The following ABCC6 variants were observed in gnomAD, a reference collection of about 807,000 sequenced individuals.
ABCC6 encodes ATP-binding cassette sub-family C member 6.
Under a neutral mutation model 169.5 loss-of-function variants are expected in ABCC6, and 126 were observed. The observed-to-expected ratio is 0.74, with a 90% confidence interval of 0.64 to 0.86. The LOEUF is 0.86. Among genes scored for constraint, ABCC6 ranks in the 40% least tolerant of loss-of-function variants. The pLI, the probability that ABCC6 is intolerant of heterozygous loss-of-function variation, is 0.00. For missense variants in ABCC6, 1,733 were observed against 1,927.2 expected, an observed-to-expected ratio of 0.90 and a Z score of 1.89; for synonymous variants, 752 against 814.7, an observed-to-expected ratio of 0.92 and a Z score of 1.31.
At chr16:16,162,925 G>A in intron 24 of ABCC6, 68 bp downstream of exon 24, 1 of 1,596,242 alleles carries the variant, frequency 6.3e-7, no homozygotes, top group Non-Finnish European at 8.6e-7. Context: ...CATACAATAT[G>A]ACCTCAGGTC....
intron 23 of ABCC6, among the ~76,000 whole-genome samples, chr16:16,164,943 A>C (rs2046830346): frequency 6.6e-6 from 1 of 152,232 alleles, no homozygotes; most frequent in Non-Finnish European, 1.5e-5. Context: ...ATTAAATTCT[A>C]TTCTTTTGGT....
Position 16,203,420 on chromosome 16 carries a change from T to G in ABCC6, c.988A>C (p.Lys330Gln). The G allele has an allele frequency of 6.2e-7, 1 of 1,613,804 alleles. No individual in the cohort carries two copies. Among genetic ancestry groups the G allele is most frequent in the Non-Finnish European group, 8.5e-7 (1 of 1,179,832 alleles). ...AGGTCTGGGACTCACCTGAGCAGCT[T>G]GGGGACAGTGAACCTGAAGACATCA... ...ISDVFRFTVP[K>Q]LLSLFLEFIG... Residue 330 changes from lysine to glutamine, a missense_variant, in exon 8 of 31, where the codon AAG becomes CAG. By Grantham distance (53) the Lys-to-Gln change is moderately conservative. This residue lies in a region of ABCC6 where 1,601 missense variants were observed against 1,635.5 expected (regional missense o/e 0.98). Coordinates refer to ENST00000205557, the MANE Select transcript of ABCC6 (RefSeq NM_001171.6).
At chr16:16,151,057 T>C (rs2046373122) in intron 29 of ABCC6, among the ~76,000 whole-genome samples, 1 of 152,146 alleles carries the variant, frequency 6.6e-6, no homozygotes, top group African/African-American at 2.4e-5. Context: ...GCTCTTTTTT[T>C]CTTCTTCGTT....
intron 23 of ABCC6, 39 bp downstream of exon 23, chr16:16,165,584 C>T: frequency 1.2e-6 from 2 of 1,606,652 alleles, no homozygotes; most frequent in Non-Finnish European, 1.7e-6. Flanking sequence ...GCTGAGTTGA[C>T]CTCAGCCGGT....
At chr16:16,222,847 C>G (rs1304815118) in intron 1 of ABCC6, among the ~76,000 whole-genome samples, 1 of 152,170 alleles carries the variant, frequency 6.6e-6, no homozygotes, top group Non-Finnish European at 1.5e-5. Flanking sequence ...TCTCAGTTTC[C>G]TTCCCTGTAA....
intron 6 of ABCC6, among the ~76,000 whole-genome samples, chr16:16,210,218 C>T (rs2048556900): frequency 6.6e-6 from 1 of 151,274 alleles, no homozygotes; most frequent in Non-Finnish European, 1.5e-5. Context: ...CTCACCGCAA[C>T]CTCCACCTCC....
intron 14 of ABCC6, 143 bp downstream of exon 14, chr16:16,186,981 C>T (rs1189584904): frequency 4.1e-6 from 3 of 727,682 alleles, no homozygotes; most frequent in East Asian, 2.7e-5. Context: ...AAGTGACACG[C>T]AGATGGCGTG....
intron 6 of ABCC6, among the ~76,000 whole-genome samples, chr16:16,211,051 T>C (rs1006828268): frequency 6.6e-6 from 1 of 150,674 alleles, no homozygotes; most frequent in African/African-American, 2.4e-5. Context: ...GCTGAGATTG[T>C]GCCATTGCAC....
At chr16:16,206,378 A>G (rs1401202306) in intron 7 of ABCC6, among the ~76,000 whole-genome samples, 1 of 152,074 alleles carries the variant, frequency 6.6e-6, no homozygotes, top group African/African-American at 2.4e-5. Flanking sequence ...TAATCCCAGC[A>G]CTTTGGGAGG....
Position 16,202,185 on chromosome 16 carries a change from G to T in ABCC6, c.999-7C>A, listed in dbSNP as rs1179375632. On this transcript the variant is annotated splice_region_variant and splice_polypyrimidine_tract_variant and intron_variant, in intron 8 of 30. Coordinates refer to ENST00000205557, the MANE Select transcript of ABCC6 (RefSeq NM_001171.6). ...AATAAACTCCAGGAAAAGGCTTGCAGGGGAAGGAGGGAGAAGGTACAGCTG... is the reference window on the plus strand; with the variant it reads ...AATAAACTCCAGGAAAAGGCTTGCATGGGAAGGAGGGAGAAGGTACAGCTG... The T allele has an allele frequency of 6.2e-7, 1 of 1,608,510 alleles. No individual in the cohort carries two copies. Among genetic ancestry groups the T allele is most frequent in the East Asian group, 2.2e-5 (1 of 44,654 alleles).
In ABCC6 at chr16:16,208,725, T is replaced by C; in HGVS notation, c.794+3A>G. ...GGTGAGTTCTTGACCTCCACCCACTTACCTCCGGGCTGCACTGCGGTTCCT... is the reference window on the plus strand; with the variant it reads ...GGTGAGTTCTTGACCTCCACCCACTCACCTCCGGGCTGCACTGCGGTTCCT... On this transcript the variant is annotated splice_donor_region_variant and intron_variant, in intron 7 of 30. Coordinates refer to ENST00000205557, the MANE Select transcript of ABCC6 (RefSeq NM_001171.6). 6.2e-7 allele frequency: 1 copy of C among 1,613,494 alleles called. No individual in the cohort carries two copies. Among genetic ancestry groups the C allele is most frequent in the Non-Finnish European group, 8.5e-7 (1 of 1,179,526 alleles).
chr16:16,184,197 TCAAA>T, intron 15 of ABCC6: 1 of 121,526 alleles, frequency 8.2e-6, no homozygotes, highest in South Asian at 1.1e-4. Flanking sequence ...AGACTCCGTT[TCAAA>T]AAAAAAAAAA....
chr16:16,155,329 ATC>A (rs2046517089), intron 27 of ABCC6: 1 of 502,110 alleles, frequency 2.0e-6, no homozygotes, highest in South Asian at 2.7e-5. Context: ...CCTCTCCATC[ATC>A]TCTCATCCTT....
chr16:16,152,192 C>CAAA (rs61339757), intron 29 of ABCC6, among the ~76,000 whole-genome samples: 5,796 of 40,038 alleles, frequency 0.14, 1,011 homozygotes, highest in Middle Eastern at 0.23. Flanking sequence ...GACTCTGTCT[C>CAAA]AAAAAAAAAA....
chr16:16,185,122 C>A (rs568723062), intron 14 of ABCC6, 88 bp from the exon 15 acceptor site: 3 of 1,231,150 alleles, frequency 2.4e-6, no homozygotes, highest in East Asian at 4.7e-5. Context: ...TCCCCCGCCC[C>A]CCCCAGGGGC....
At position 16,177,639 on chromosome 16, in the gene ABCC6, G is replaced by T. The variant is rs762909140; in HGVS notation, c.2416-13C>A. On this transcript the variant is annotated splice_polypyrimidine_tract_variant and intron_variant, in intron 18 of 30. Coordinates refer to ENST00000205557, the MANE Select transcript of ABCC6 (RefSeq NM_001171.6). Reference sequence around the variant, plus strand: ...CGAGAATCCGTGTCTGGGCAGGGAAGGGGTAGAAGTTACACACATGTGGCC... The same window carrying T: ...CGAGAATCCGTGTCTGGGCAGGGAATGGGTAGAAGTTACACACATGTGGCC... The T allele has an allele frequency of 6.8e-6, 11 of 1,613,966 alleles. No individual in the cohort carries two copies. The highest frequency in any genetic ancestry group is 9.3e-6 in the Non-Finnish European group (11 of 1,179,994).
At chr16:16,213,685 C>T (rs2048735073) in intron 5 of ABCC6, among the ~76,000 whole-genome samples, 2 of 149,988 alleles carry the variant, frequency 1.3e-5, no homozygotes, top group Non-Finnish European at 3.0e-5. Flanking sequence ...CTCAGCCTCC[C>T]GAGTAGCTGG....
At chr16:16,195,186 C>G (rs745644722) in intron 10 of ABCC6, among the ~76,000 whole-genome samples, 2 of 152,056 alleles carry the variant, frequency 1.3e-5, no homozygotes, top group African/African-American at 4.8e-5. Context: ...TCAGTGTCCA[C>G]TCCTCCTTCA....
rs760376992 is a variant in ABCC6 at position 16,157,758 on chromosome 16, C to T, written c.3787G>A (p.Gly1263Arg). Residue 1263 changes from glycine to arginine, a missense_variant, in exon 27 of 31, where the codon GGG (glycine) becomes AGG (arginine). Physicochemically the swap from Gly to Arg is moderately radical, Grantham distance 125. Coordinates refer to ENST00000205557, the MANE Select transcript of ABCC6 (RefSeq NM_001171.6). ...CCAAAGTCCCGGAACTCGATCTGCC[C>T]GCCCTGAGGCCAGGGGGGCTGAGCT... is the stretch of plus-strand genomic sequence containing the variant. ...CAAQPPWPQG[G>R]QIEFRDFGLR... 4.3e-5 allele frequency: 69 copies of T among 1,613,642 alleles called. No individual in the cohort carries two copies. The highest frequency in any genetic ancestry group is 5.1e-5 in the Non-Finnish European group (60 of 1,179,994).
Sources: gnomAD v4.1 joint callset for allele counts (sites outside exome capture counted in the v4.1 genomes callset) on GRCh38, gnomAD v4.1.1 for gene constraint, gnomAD v4.1.1 regional missense constraint, MANE v1.5 for transcripts, NCBI Gene and HGNC (gene_info 2026-07-23, HGNC 2026-07-21) for gene names.